Variants in SH2B1 observed in about 807,000 individuals in gnomAD.
SH2B1 encodes the protein SH2B adapter protein 1.
In SH2B1, 15 loss-of-function variants were observed where a neutral mutation model predicts 62.6. That is an observed-to-expected ratio of 0.24 (90% CI 0.16 to 0.37). SH2B1 has a LOEUF of 0.37. Ranked by LOEUF, SH2B1 falls within the 10% of genes least tolerant of loss-of-function variation. SH2B1 has a pLI of 1.00. For synonymous variants in SH2B1, 443 were observed against 438.0 expected (o/e 1.01, Z -0.14); for missense variants, 925 against 1,015.6 (o/e 0.91, Z 1.21).
intron 1 of SH2B1, among the ~76,000 whole-genome samples, chr16:28,847,300 T>C (rs1445469058): frequency 2.6e-5 from 4 of 152,214 alleles, no homozygotes; most frequent in Non-Finnish European, 5.9e-5. Context: ...TCAATGTCCC[T>C]TAACTTTCAC....
In SH2B1 at chr16:28,864,697, C is replaced by G; in HGVS notation, c.-1398C>G. On this transcript the variant is annotated 5_prime_UTR_variant, in exon 1 of 8. Coordinates refer to ENST00000684370, the MANE Select transcript of SH2B1 (RefSeq NM_001387430.1). ...TTCCAGTATTGCGTGGCGGGAGGAG[C>G]GCTAACAAGAGCCAAGGGTTGTAAA... The G allele has an allele frequency of 1.0e-6, 1 of 982,032 alleles. No individual in the cohort carries two copies. The highest frequency in any genetic ancestry group is 1.2e-6 in the Non-Finnish European group (1 of 827,022). 60.8% of individuals were successfully genotyped at this position (982,032 alleles called of 1,614,324 possible).
At position 28,866,644 on chromosome 16, in the gene SH2B1, C is replaced by A. The variant is rs761262829; in HGVS notation, c.550C>A (p.Pro184Thr). 3 of 1,612,700 alleles carry A rather than the reference C, an allele frequency of 1.9e-6. No homozygotes were observed. The highest frequency in any genetic ancestry group is 4.5e-5 in the East Asian group (2 of 44,856). ...GTVDPPSSAG[P>T]LETSSGPPVL... ...CGTTGACCCTCCCTCCTCCGCTGGG[C>A]CCCTGGAGACCTCGTCAGGCCCCCC... Residue 184 changes from proline to threonine, a missense_variant, in exon 1 of 8, where the codon CCC becomes ACC. This residue lies in a region of SH2B1 where 683 missense variants were observed against 704.0 expected (regional missense o/e 0.97). Transcript: ENST00000684370. The surrounding 1 kb of genome is among the most constrained non-coding windows in gnomAD (Gnocchi z 6.3).
At position 28,866,535 on chromosome 16, in the gene SH2B1, G is replaced by A. The variant is rs1316975395; in HGVS notation, c.441G>A (p.Pro147=). 1.4e-5 allele frequency: 22 copies of A among 1,613,832 alleles called. No homozygotes were observed. Among genetic ancestry groups the A allele is most frequent in the Admixed American group, 3.3e-5 (2 of 59,970 alleles). ...CCTCCTCTACAACCTCCTCCAAGCCGAAGCTCAAGAAGCGCTTTTCCCTGC... is the reference window on the plus strand; with the variant it reads ...CCTCCTCTACAACCTCCTCCAAGCCAAAGCTCAAGAAGCGCTTTTCCCTGC... The part of the protein sequence containing the change: ...VSSSSTTSSK[P]KLKKRFSLRS... Residue 147 remains proline (P), a synonymous_variant, in exon 1 of 8, where the codon CCG becomes CCA. Transcript: ENST00000684370. This position sits in a 1 kb window ranked among gnomAD's most constrained non-coding sequence, Gnocchi z 6.3.
rs142495805 is a variant in SH2B1, at chr16:28,870,591, C to T, written c.1310-1189C>T. ...AATAGAAGGAGCATCTTTGATGCCT[C>T]TTAAGAGTTAGGGGCTTTGTCCTAT... On this transcript the variant is annotated intron_variant, in intron 4 of 7. Transcript: ENST00000684370. Among the ~76,000 whole-genome samples the T allele has an allele frequency of 5.3e-5, 8 of 151,102 alleles. No homozygotes were observed. In the East Asian group the frequency reaches 1.5e-3, roughly 29 times the overall value.
At position 28,852,601 on chromosome 16, in the gene SH2B1, T is replaced by A. The variant is rs1309761932; in HGVS notation, c.-301+5774T>A. On this transcript the variant is annotated intron_variant, in intron 1 of 10. Coordinates refer to the SH2B1 transcript ENST00000322610. ...ATATTTATATATATACACATATATA[T>A]TTATATATATACACATATATATTTA... Among the ~76,000 whole-genome samples the A allele has an allele frequency of 2.5e-5, 2 of 79,788 alleles. 1 individual carries two copies. Among genetic ancestry groups the A allele is most frequent in the East Asian group, 7.3e-4 (2 of 2,742 alleles). 52.3% of individuals were successfully genotyped at this position (79,788 alleles called of 152,430 possible).
chr16:28,865,225 C>T lies in SH2B1; in HGVS notation c.-870C>T. On this transcript the variant is annotated 5_prime_UTR_variant, in exon 1 of 8. Coordinates refer to ENST00000684370, the MANE Select transcript of SH2B1 (RefSeq NM_001387430.1). The stretch of plus-strand genomic sequence containing the variant: ...CCAACCCAGTTTCTCCTCTGGGGCC[C>T]CTGCGGCCTCTGGCCCCAGACTGAA... The T allele has an allele frequency of 1.0e-6, 1 of 985,652 alleles. No homozygotes were observed. Among genetic ancestry groups the T allele is most frequent in the Non-Finnish European group, 1.2e-6 (1 of 829,970 alleles). 61.1% of individuals were successfully genotyped at this position (985,652 alleles called of 1,614,324 possible).
At chr16:28,852,694 A>T (rs1287298990) in intron 1 of SH2B1, among the ~76,000 whole-genome samples, 1 of 72,492 alleles carries the variant, frequency 1.4e-5, no homozygotes, top group Non-Finnish European at 2.5e-5. Flanking sequence ...ATATATATTT[A>T]TATATATACA....
At chr16:28,857,264 C>G (rs1313865608) in intron 1 of SH2B1, among the ~76,000 whole-genome samples, 1 of 148,940 alleles carries the variant, frequency 6.7e-6, no homozygotes, top group African/African-American at 2.5e-5. Context: ...GTCTGGGCAA[C>G]AGAGTGACTC....
In SH2B1 at chr16:28,866,271, GGCCGAGGCTGCCTTCTCCC is replaced by G; in HGVS notation, c.182_200del (p.Glu61ValfsTer29). 6.2e-7 allele frequency: 1 copy of G among 1,610,474 alleles called. No homozygotes were observed. Among genetic ancestry groups the G allele is most frequent in the Non-Finnish European group, 8.5e-7 (1 of 1,179,286 alleles). On this transcript the variant is annotated frameshift_variant, in exon 1 of 8. Transcript: ENST00000684370. LOFTEE classifies it high-confidence loss of function. The surrounding 1 kb of genome is among the most constrained non-coding windows in gnomAD (Gnocchi z 6.3). ...CCCACCCCCAATATGCGGGGCCCGG[GGCCGAGGCTGCCTTCTCCC>G]GCCGTTTTGCTGAGCTCTTCCTGCA...
Position 28,872,873 on chromosome 16 carries a change from T to C in SH2B1, c.1897+168T>C, listed in dbSNP as rs2152188438. On this transcript the variant is annotated intron_variant, in intron 7 of 7. Coordinates refer to ENST00000684370, the MANE Select transcript of SH2B1 (RefSeq NM_001387430.1). This position sits in a 1 kb window ranked among gnomAD's most constrained non-coding sequence, Gnocchi z 5.3. The stretch of plus-strand genomic sequence containing the variant: ...CCTCGGGGTTTGGAAGGGAAAGAAA[T>C]GCGCTGATAGGACACAGGAAGGCAG... 1 of 930,522 alleles carries C rather than the reference T, an allele frequency of 1.1e-6. No individual in the cohort carries two copies. The highest frequency in any genetic ancestry group is 1.7e-6 in the Non-Finnish European group (1 of 604,934). 57.6% of individuals were successfully genotyped at this position (930,522 alleles called of 1,614,324 possible).
upstream of SH2B1, among the ~76,000 whole-genome samples, chr16:28,860,026 C>T (rs1401820892): frequency 6.6e-6 from 1 of 152,000 alleles, no homozygotes; most frequent in Admixed American, 6.6e-5. Flanking sequence ...CCCTGGATAA[C>T]GTCCCCACCA....
In SH2B1 at chr16:28,873,295, C is replaced by A. The variant is rs368676177; in HGVS notation, c.1898-152C>A. On this transcript the variant is annotated intron_variant, in intron 7 of 7. Coordinates refer to ENST00000684370, the MANE Select transcript of SH2B1 (RefSeq NM_001387430.1). This position sits in a 1 kb window ranked among gnomAD's most constrained non-coding sequence, Gnocchi z 4.2. ...GTAAGTGTGGTCCTCCTCTCACCAC[C>A]GCCCATGATCCATCTTCCATGGATG... 1 of 1,598,082 alleles carries A rather than the reference C, an allele frequency of 6.3e-7. No homozygotes were observed.
intron 1 of SH2B1, among the ~76,000 whole-genome samples, chr16:28,847,251 A>G (rs1961995904): frequency 6.6e-6 from 1 of 150,846 alleles, no homozygotes; most frequent in Non-Finnish European, 1.5e-5. Context: ...AACAGGGTGG[A>G]GCATGCAGTG....
rs528748454 is a variant in SH2B1, at chr16:28,854,404, C to T, written c.-300-7214C>T. ...AATCCAAATTCCTACTTTAAATGGG[C>T]GATTTGTATCTCAATCATGGTAGGT... On this transcript the variant is annotated intron_variant, in intron 1 of 10. Coordinates refer to the SH2B1 transcript ENST00000322610. Among the ~76,000 whole-genome samples, 5 of 152,020 alleles carry T rather than the reference C, an allele frequency of 3.3e-5. No individual in the cohort carries two copies. The East Asian group carries it at 5.8e-4, about 18-fold the overall frequency.
At chr16:28,869,424 G>T in intron 4 of SH2B1, 41 bp downstream of exon 4, 2 of 1,571,214 alleles carry the variant, frequency 1.3e-6, no homozygotes, top group South Asian at 1.1e-5. Context: ...CTCGGAACCT[G>T]CCATGCGGGG....
At position 28,864,319 on chromosome 16, in the gene SH2B1, A is replaced by G; in HGVS notation, c.-1776A>G. On this transcript the variant is annotated 5_prime_UTR_variant, in exon 1 of 8. Transcript: ENST00000684370. ...TGCTTGGCAGAAGAGAAACTGAGTC[A>G]CCAGCTTAGGAGTCGCAGGGTCAGC... 9.1e-6 allele frequency: 9 copies of G among 993,478 alleles called. No individual in the cohort carries two copies. The highest frequency in any genetic ancestry group is 1.1e-5 in the Non-Finnish European group (9 of 834,664). The allele number at this position is 993,478 out of a possible 1,614,324, so 61.5% of individuals were successfully genotyped here.
In SH2B1 at chr16:28,871,845, G is replaced by A. The variant is rs758827783; in HGVS notation, c.1375G>A (p.Ala459Thr). The A allele has an allele frequency of 2.5e-5, 41 of 1,612,716 alleles. No individual in the cohort carries two copies. Among genetic ancestry groups the A allele is most frequent in the South Asian group, 8.8e-5 (8 of 91,028 alleles). ...CTCCCCCAGCTCTGCCTCCATTGCC[G>A]CCTCCCATTTTGACTCGATGGAACT... ...SISPSSASIAASHFDSMELLP... is the reference protein window; with the variant it reads ...SISPSSASIATSHFDSMELLP... The change falls in exon 5 of 8, where the codon GCC becomes ACC. Residue 459 changes from alanine to threonine, a missense_variant. Around this residue, in one of 3 missense-constraint regions of SH2B1, gnomAD observed 683 missense variants for 704.0 expected, o/e 0.97. Transcript: ENST00000684370.
At position 28,873,612 on chromosome 16, in the gene SH2B1, T is replaced by C; in HGVS notation, c.2063T>C (p.Val688Ala). 1.9e-6 allele frequency: 3 copies of C among 1,548,396 alleles called. No homozygotes were observed. Among genetic ancestry groups the C allele is most frequent in the Non-Finnish European group, 2.6e-6 (3 of 1,146,186 alleles). ...AAAGAGAAAGCGGGCGGTGGAGGGG[T>C]CCCGGAAGAGCTGGTCCCCGTGGTT... Reference protein sequence around the residue: ...QEKEKAGGGGVPEELVPVVEL... With the variant: ...QEKEKAGGGGAPEELVPVVEL... The change falls in exon 8 of 8, where the codon GTC becomes GCC. Residue 688 changes from valine to alanine, a missense_variant. Coordinates refer to ENST00000684370, the MANE Select transcript of SH2B1 (RefSeq NM_001387430.1). This position sits in a 1 kb window ranked among gnomAD's most constrained non-coding sequence, Gnocchi z 4.2.
At chr16:28,855,467 C>T (rs1249278732) in intron 1 of SH2B1, among the ~76,000 whole-genome samples, 5 of 152,102 alleles carry the variant, frequency 3.3e-5, no homozygotes, top group East Asian at 3.8e-4. Flanking sequence ...GTGATCTGCC[C>T]GTCTCTGCCT....
Sources: allele counts gnomAD v4.1 joint callset (sites outside exome capture counted in the v4.1 genomes callset), GRCh38; gene constraint gnomAD v4.1.1; regional missense constraint gnomAD v4.1.1; non-coding constraint Gnocchi (gnomAD v3.1); transcripts MANE v1.5; gene names NCBI Gene and HGNC (gene_info 2026-07-23, HGNC 2026-07-21).